Variants in CCBE1 observed in about 807,000 individuals in gnomAD.
CCBE1 encodes the protein collagen and calcium binding EGF domains 1.
CCBE1 carries 37 observed loss-of-function variants against 50.0 expected under a neutral mutation model. The ratio of observed to expected loss-of-function variants is 0.74; its 90% CI spans 0.57 to 0.97. The LOEUF (loss-of-function observed/expected upper bound fraction) is 0.97, where lower values mean the gene tolerates loss of function less well. Ranked by LOEUF, CCBE1 falls within the 50% of genes least tolerant of loss-of-function variation. The pLI is 0.00. For synonymous variants in CCBE1, 234 were observed against 203.7 expected (o/e 1.15, Z -1.27); for missense variants, 538 against 523.8 (o/e 1.03, Z -0.26).
chr18:59,696,491 G>T (rs2054805286), intron 2 of CCBE1, 138 bp downstream of exon 2: 1 of 1,533,424 alleles, frequency 6.5e-7, no homozygotes, highest in Admixed American at 1.9e-5. Context: ...TTCGCACCGC[G>T]CGGCACGCAC....
At chr18:59,605,360 A>T (rs1400854864) in intron 2 of CCBE1, among the ~76,000 whole-genome samples, 6 of 152,202 alleles carry the variant, frequency 3.9e-5, no homozygotes, top group Admixed American at 3.9e-4. Context: ...TTATCCTTAT[A>T]GAGAACAGGT....
chr18:59,650,869 G>A (rs1296103485), intron 2 of CCBE1, among the ~76,000 whole-genome samples: 2 of 151,594 alleles, frequency 1.3e-5, no homozygotes, highest in African/African-American at 2.4e-5. Context: ...AGGAACAGAT[G>A]AGTGATAAGG....
At chr18:59,681,564 C>G (rs149562104) in intron 2 of CCBE1, among the ~76,000 whole-genome samples, 1 of 152,292 alleles carries the variant, frequency 6.6e-6, no homozygotes, top group East Asian at 1.9e-4. Flanking sequence ...GTTCTGCTAT[C>G]CTATGGCACA....
chr18:59,606,219 C>T (rs1450728354), intron 2 of CCBE1, among the ~76,000 whole-genome samples: 4 of 152,188 alleles, frequency 2.6e-5, no homozygotes, highest in Admixed American at 6.5e-5. Context: ...CCATGAGAGA[C>T]CTTAGAGGCA....
intron 2 of CCBE1, among the ~76,000 whole-genome samples, chr18:59,686,594 C>T (rs1791286272): frequency 6.6e-6 from 1 of 152,208 alleles, no homozygotes; most frequent in South Asian, 2.1e-4. Flanking sequence ...GTATATCCAT[C>T]TTTGGTTCCT....
intron 2 of CCBE1, among the ~76,000 whole-genome samples, chr18:59,598,195 A>C (rs1244863580): frequency 6.6e-6 from 1 of 152,214 alleles, no homozygotes; most frequent in Non-Finnish European, 1.5e-5. Context: ...CCGAGTATCA[A>C]GGGAGTTTCA....
At chr18:59,533,906 A>G (rs946483159) in intron 2 of CCBE1, among the ~76,000 whole-genome samples, 2 of 152,260 alleles carry the variant, frequency 1.3e-5, no homozygotes, top group Admixed American at 1.3e-4. Context: ...TTATCTAAAT[A>G]AGCACAAATG....
intron 2 of CCBE1, among the ~76,000 whole-genome samples, chr18:59,539,207 C>CAAA (rs556723864): frequency 6.1e-5 from 8 of 131,656 alleles, no homozygotes; most frequent in African/African-American, 2.3e-4. Context: ...ACACAAAAAA[C>CAAA]AAAAAAAAAC....
chr18:59,649,396 A>G (rs918479215), intron 2 of CCBE1, among the ~76,000 whole-genome samples: 5 of 152,246 alleles, frequency 3.3e-5, no homozygotes, highest in East Asian at 1.9e-4. Context: ...CAAGACAAAA[A>G]TTCACACCCA....
chr18:59,436,221 T>G, intron 10 of CCBE1, 80 bp from the exon 11 acceptor site: 1 of 1,219,830 alleles, frequency 8.2e-7, no homozygotes, highest in African/African-American at 1.5e-5. Flanking sequence ...ACCTGCTGCT[T>G]GCTGGCAACT....
chr18:59,630,157 CTT>C (rs2053833162), intron 2 of CCBE1, among the ~76,000 whole-genome samples: 2 of 152,204 alleles, frequency 1.3e-5, no homozygotes, highest in Admixed American at 1.3e-4. Context: ...GCAGGCAAGA[CTT>C]TGACCTCCGC....
intron 2 of CCBE1, among the ~76,000 whole-genome samples, chr18:59,558,050 G>A (rs2052679915): frequency 6.6e-6 from 1 of 152,202 alleles, no homozygotes; most frequent in Admixed American, 6.5e-5. Flanking sequence ...GCCGAAGACT[G>A]CTTTCTATTT....
Position 59,432,485 on chromosome 18 carries a change from G to C in CCBE1, c.*3423C>G, listed in dbSNP as rs532902457. On this transcript the variant is annotated 3_prime_UTR_variant, in exon 11 of 11. Transcript: ENST00000439986. Reference sequence around the variant, plus strand: ...CTTTCCCATTAGGTTTTGAGCAGAAGTCCTGTTTAGACAGTAAAGCTTTTT... The same window carrying C: ...CTTTCCCATTAGGTTTTGAGCAGAACTCCTGTTTAGACAGTAAAGCTTTTT... The C allele has an allele frequency of 6.6e-6, 1 of 152,258 alleles. No individual in the cohort carries two copies. The highest frequency in any genetic ancestry group is 1.9e-4 in the East Asian group (1 of 5,186). 9.4% of individuals were successfully genotyped at this position (152,258 alleles called of 1,614,324 possible). A position where few individuals can be genotyped will look rare whatever the true frequency, so the allele number is the denominator to read the frequency against.
chr18:59,508,962 C>T (rs1231447356), intron 2 of CCBE1, among the ~76,000 whole-genome samples: 1 of 152,122 alleles, frequency 6.6e-6, no homozygotes, highest in Non-Finnish European at 1.5e-5. Context: ...TAATAGTATG[C>T]AGCCCACAGA....
intron 2 of CCBE1, among the ~76,000 whole-genome samples, chr18:59,525,764 T>TCAAGA (rs1914793776): frequency 6.6e-6 from 1 of 152,240 alleles, no homozygotes; most frequent in African/African-American, 2.4e-5. Flanking sequence ...GAGTTAATTT[T>TCAAGA]TGTTTAAGGT....
intron 3 of CCBE1, among the ~76,000 whole-genome samples, chr18:59,473,090 A>G (rs766318628): frequency 1.3e-5 from 2 of 152,192 alleles, no homozygotes; most frequent in Non-Finnish European, 2.9e-5. Flanking sequence ...CCATATATCC[A>G]TGTCTTTCTC....
chr18:59,644,009 C>T (rs1321488466), intron 2 of CCBE1, among the ~76,000 whole-genome samples: 1 of 152,222 alleles, frequency 6.6e-6, no homozygotes, highest in Non-Finnish European at 1.5e-5. Flanking sequence ...GTCTATGGCA[C>T]TGGTCCCCAA....
At chr18:59,599,894 G>A (rs148461550) in intron 2 of CCBE1, among the ~76,000 whole-genome samples, 13 of 152,020 alleles carry the variant, frequency 8.6e-5, no homozygotes, top group Non-Finnish European at 1.3e-4. Flanking sequence ...CCATGACTTT[G>A]GACTAATGGT....
chr18:59,597,031 A>G (rs1473907214), intron 2 of CCBE1, among the ~76,000 whole-genome samples: 1 of 152,258 alleles, frequency 6.6e-6, no homozygotes, highest in Non-Finnish European at 1.5e-5. Flanking sequence ...TTATTCAATA[A>G]TCAAAAGCTT....
Sources: allele counts gnomAD v4.1 joint callset (sites outside exome capture counted in the v4.1 genomes callset), GRCh38; gene constraint gnomAD v4.1.1; transcripts MANE v1.5; gene names NCBI Gene and HGNC (gene_info 2026-07-23, HGNC 2026-07-21).